The following NR2F1-AS1 variants were observed in gnomAD, a reference collection of about 807,000 sequenced individuals.
NR2F1-AS1 encodes NR2F1 regulatory antisense RNA 1, also known as NR2F1 antisense RNA 1.
At chr5:93,548,689 C>A (rs964618857) in intron 4 of NR2F1-AS1, among the ~76,000 whole-genome samples, 1 of 151,776 alleles carries the variant, frequency 6.6e-6, no homozygotes, top group Non-Finnish European at 1.5e-5. Context: ...ATGGTGAGAC[C>A]CTGTCTCTAC....
At chr5:93,414,412 G>A (rs1748923873) in intron 4 of NR2F1-AS1, among the ~76,000 whole-genome samples, 1 of 152,116 alleles carries the variant, frequency 6.6e-6, no homozygotes, top group African/African-American at 2.4e-5. Context: ...GTAGAAACTA[G>A]GAATATATTT....
intron 4 of NR2F1-AS1, among the ~76,000 whole-genome samples, chr5:93,530,157 C>G (rs929538587): frequency 1.3e-5 from 2 of 149,838 alleles, no homozygotes; most frequent in African/African-American, 4.9e-5. Flanking sequence ...CTCAACTCAC[C>G]GCAACCTCCA....
At chr5:93,548,268 T>C (rs1438187572) in intron 4 of NR2F1-AS1, among the ~76,000 whole-genome samples, 2 of 152,116 alleles carry the variant, frequency 1.3e-5, no homozygotes, top group African/African-American at 2.4e-5. Context: ...TCAAGCTAAT[T>C]CAATCAATTT....
intron 4 of NR2F1-AS1, among the ~76,000 whole-genome samples, chr5:93,483,376 C>G (rs113748643): frequency 3.3e-5 from 5 of 152,262 alleles, no homozygotes; most frequent in African/African-American, 1.2e-4. Context: ...AGAAGGAAAA[C>G]TAACAAACAG....
chr5:93,469,056 T>C (rs944936283), intron 4 of NR2F1-AS1, among the ~76,000 whole-genome samples: 1 of 152,190 alleles, frequency 6.6e-6, no homozygotes, highest in Non-Finnish European at 1.5e-5. Flanking sequence ...AACAGGGCTT[T>C]TTTGGCTCAT....
intron 4 of NR2F1-AS1, among the ~76,000 whole-genome samples, chr5:93,547,271 G>A (rs1752110555): frequency 6.6e-6 from 1 of 152,124 alleles, no homozygotes; most frequent in Non-Finnish European, 1.5e-5. Context: ...AAAGTACTAG[G>A]TAGACATCAA....
At chr5:93,514,162 T>A (rs559899323) in intron 4 of NR2F1-AS1, among the ~76,000 whole-genome samples, 1 of 152,220 alleles carries the variant, frequency 6.6e-6, no homozygotes, top group East Asian at 1.9e-4. Context: ...AATACAGGAC[T>A]ACTTACAGGA....
Position 93,487,662 on chromosome 5 carries a change from C to A in NR2F1-AS1, n.638+66099G>T, listed in dbSNP as rs1452651500. On this transcript the variant is annotated intron_variant and non_coding_transcript_variant, in intron 4 of 5. Coordinates refer to ENST00000660523, the Ensembl canonical transcript of NR2F1-AS1. ...AGAATCAATATCATGAAAATGGCCA[C>A]AATGCCCAAAGTAATTTATAGATTC... Among the ~76,000 whole-genome samples, 6 of 152,160 alleles carry A rather than the reference C, an allele frequency of 3.9e-5. No individual in the cohort carries two copies. The South Asian group carries it at 8.3e-4, about 21-fold the overall frequency.
At chr5:93,494,936 GAAC>G (rs1037611967) in intron 4 of NR2F1-AS1, among the ~76,000 whole-genome samples, 11 of 152,132 alleles carry the variant, frequency 7.2e-5, no homozygotes, top group African/African-American at 2.6e-4. Flanking sequence ...AAAGAAAGTA[GAAC>G]AACAGGTCAC....
At chr5:93,457,082 G>A (rs1253201796) in intron 4 of NR2F1-AS1, among the ~76,000 whole-genome samples, 1 of 152,134 alleles carries the variant, frequency 6.6e-6, no homozygotes, top group African/African-American at 2.4e-5. Context: ...GGACGAGCAG[G>A]AGACAGATGC....
chr5:93,441,266 C>T (rs893547), intron 4 of NR2F1-AS1, among the ~76,000 whole-genome samples: 21,319 of 152,214 alleles, frequency 0.14, 1,867 homozygotes, highest in Admixed American at 0.24. Flanking sequence ...TCTTTGCCCA[C>T]TATCCTTTCC....
intron 4 of NR2F1-AS1, among the ~76,000 whole-genome samples, chr5:93,491,064 C>T (rs111162749): frequency 0.012 from 1,185 of 102,728 alleles, 18 homozygotes; most frequent in African/African-American, 0.043. Flanking sequence ...CGGTGGTGGT[C>T]GTTCCTGGTA....
At chr5:93,500,831 T>C (rs2149885534) in intron 4 of NR2F1-AS1, among the ~76,000 whole-genome samples, 1 of 152,218 alleles carries the variant, frequency 6.6e-6, no homozygotes, top group African/African-American at 2.4e-5. Flanking sequence ...TGTACAGAAC[T>C]CCTGTACTCC....
At chr5:93,572,699 G>C (rs537527916) in intron 1 of NR2F1-AS1, among the ~76,000 whole-genome samples, 1 of 152,320 alleles carries the variant, frequency 6.6e-6, no homozygotes, top group South Asian at 2.1e-4. Context: ...GCAAAGACAG[G>C]CCGGTGTTTG....
intron 4 of NR2F1-AS1, among the ~76,000 whole-genome samples, chr5:93,502,464 C>T (rs911722574): frequency 4.6e-5 from 7 of 151,292 alleles, no homozygotes; most frequent in South Asian, 4.1e-4. Flanking sequence ...GAACATATAA[C>T]GTAGAAACTG....
intron 1 of NR2F1-AS1, among the ~76,000 whole-genome samples, chr5:93,571,835 C>T (rs1331979869): frequency 6.6e-6 from 1 of 151,616 alleles, no homozygotes; most frequent in Non-Finnish European, 1.5e-5. Context: ...GGAGGGGGTT[C>T]CCCTTTGCAA....
intron 4 of NR2F1-AS1, among the ~76,000 whole-genome samples, chr5:93,441,961 A>G (rs1371558794): frequency 2.6e-5 from 4 of 152,214 alleles, no homozygotes; most frequent in Admixed American, 2.6e-4. Flanking sequence ...CTGTGGTACA[A>G]TGACAGAGCT....
chr5:93,546,073 G>C (rs543960507), intron 4 of NR2F1-AS1, among the ~76,000 whole-genome samples: 1 of 152,142 alleles, frequency 6.6e-6, no homozygotes, highest in African/African-American at 2.4e-5. Flanking sequence ...TATAACTGTG[G>C]GCAAGTTAAT....
chr5:93,430,341 C>G (rs1386722976), intron 4 of NR2F1-AS1, among the ~76,000 whole-genome samples: 1 of 152,182 alleles, frequency 6.6e-6, no homozygotes, highest in African/African-American at 2.4e-5. Context: ...GCACTGCACT[C>G]TTCGTGTCGT....
Sources: gnomAD v4.1 joint callset for allele counts (sites outside exome capture counted in the v4.1 genomes callset) on GRCh38, gnomAD v4.1.1 for gene constraint, MANE v1.5 for transcripts, NCBI Gene and HGNC (gene_info 2026-07-23, HGNC 2026-07-21) for gene names.